The following SERPINA1 variants were observed in gnomAD, a reference collection of about 807,000 sequenced individuals.
SERPINA1 encodes serpin family A member 1.
In SERPINA1, 21 loss-of-function variants were observed where a neutral mutation model predicts 25.4. The ratio of observed to expected loss-of-function variants is 0.83; its 90% confidence interval spans 0.59 to 1.19. The LOEUF is 1.19. Among genes scored for constraint, SERPINA1 ranks in the 50% most tolerant of loss-of-function variants. SERPINA1 has a pLI of 0.00. For synonymous variants in SERPINA1, 218 were observed against 211.1 expected (o/e 1.03, Z -0.29); for missense variants, 546 against 509.0 (o/e 1.07, Z -0.70).
chr14:94,383,050 C>A lies in SERPINA1; in HGVS notation c.188G>T (p.Arg63Leu), dbSNP rs764726147. The change falls in exon 2 of 5, where the codon CGC becomes CTC. Residue 63 changes from arginine to leucine, a missense_variant. Transcript: ENST00000393087. ...GCTGTTGGACTGGTGTGCCAGCTGG[C>A]GGTATAGGCTGAAGGCGAACTCAGC... ...NLAEFAFSLY[R>L]QLAHQSNSTN... The A allele has an allele frequency of 6.2e-7, 1 of 1,613,234 alleles. No homozygotes were observed. The highest frequency in any genetic ancestry group is 1.6e-4 in the Middle Eastern group (1 of 6,062).
chr14:94,378,996 C>T (rs1896627779), intron 4 of SERPINA1: 1 of 540,020 alleles, frequency 1.9e-6, no homozygotes, highest in Non-Finnish European at 3.3e-6. Context: ...AGTGCCCAGA[C>T]CCCAAGATAA....
intron 4 of SERPINA1, chr14:94,379,257 A>AAAGTGCCAGCTGCCGC (rs2139670776): frequency 1.4e-6 from 1 of 695,682 alleles, no homozygotes; most frequent in South Asian, 1.8e-5. Flanking sequence ...GGAGGCCCCG[A>AAAGTGCCAGCTGCCGC]AAGTGCCAGC....
rs990415545 is a variant in SERPINA1, at chr14:94,381,122, A to G, written c.666T>C (p.Phe222=). 5 of 1,612,704 alleles carry G rather than the reference A, an allele frequency of 3.1e-6. No individual in the cohort carries two copies. Among genetic ancestry groups the G allele is most frequent in the Middle Eastern group, 1.7e-4 (1 of 6,014 alleles). The part of the protein sequence containing the change: ...IFFKGKWERP[F]EVKDTEEEDF... The stretch of plus-strand genomic sequence containing the variant: ...CCTCTTCCTCGGTGTCCTTGACTTC[A>G]AAGGGTCTCTCCCATTTGCCTGGAG... The change falls in exon 3 of 5, where the codon TTT becomes TTC. Residue 222 remains phenylalanine (F), a synonymous_variant. Coordinates refer to ENST00000393087, the MANE Select transcript of SERPINA1 (RefSeq NM_000295.5).
Position 94,378,251 on chromosome 14 carries a change from A to G in SERPINA1, c.*198T>C, listed in dbSNP as rs947441671. 1.6e-6 allele frequency: 1 copy of G among 613,658 alleles called. No individual in the cohort carries two copies. The highest frequency in any genetic ancestry group is 2.7e-5 in the East Asian group (1 of 36,418). 38.0% of individuals were successfully genotyped at this position (613,658 alleles called of 1,614,324 possible). A position where few individuals can be genotyped will look rare whatever the true frequency, so the allele number is the denominator to read the frequency against. ...ATGTGCCTACCCAGCCAGATGCTCC[A>G]TGAACACAGTTCAGGGGGCCCGAAG... On this transcript the variant is annotated 3_prime_UTR_variant, in exon 5 of 5. Coordinates refer to ENST00000393087, the MANE Select transcript of SERPINA1 (RefSeq NM_000295.5).
In SERPINA1 at chr14:94,378,133, C is replaced by A. The variant is rs1243164; in HGVS notation, c.*316G>T. On this transcript the variant is annotated 3_prime_UTR_variant, in exon 5 of 5. Coordinates refer to ENST00000393087, the MANE Select transcript of SERPINA1 (RefSeq NM_000295.5). ...CCCTGTGATTCCTTCTTGGGGACTCCAAGACAGGACAAGGAAGACTGGAGC... is the reference window on the plus strand; with the variant it reads ...CCCTGTGATTCCTTCTTGGGGACTCAAAGACAGGACAAGGAAGACTGGAGC... 0.24 allele frequency: 97,333 copies of A among 405,016 alleles called. 15,806 individuals are homozygous for A. The highest frequency in any genetic ancestry group is 0.56 in the African/African-American group (28,009 of 49,768). 25.1% of individuals were successfully genotyped at this position (405,016 alleles called of 1,614,324 possible).
At chr14:94,381,740 G>C (rs1896935016) in intron 2 of SERPINA1, among the ~76,000 whole-genome samples, 2 of 152,214 alleles carry the variant, frequency 1.3e-5, no homozygotes, top group African/African-American at 4.8e-5. Flanking sequence ...GGAGGAGACT[G>C]GGGCTGGAGA....
chr14:94,378,136 G>T lies in SERPINA1; in HGVS notation c.*313C>A. On this transcript the variant is annotated 3_prime_UTR_variant, in exon 5 of 5. Coordinates refer to ENST00000393087, the MANE Select transcript of SERPINA1 (RefSeq NM_000295.5). ...TGTGATTCCTTCTTGGGGACTCCAA[G>T]ACAGGACAAGGAAGACTGGAGCCCT... 2.4e-6 allele frequency: 1 copy of T among 423,966 alleles called. No homozygotes were observed. 26.3% of individuals were successfully genotyped at this position (423,966 alleles called of 1,614,324 possible). A position where few individuals can be genotyped will look rare whatever the true frequency, so the allele number is the denominator to read the frequency against.
chr14:94,382,930 C>A lies in SERPINA1; in HGVS notation c.308G>T (p.Gly103Val). Reference protein sequence around the residue: ...KADTHDEILEGLNFNLTEIPE... With the variant: ...KADTHDEILEVLNFNLTEIPE... ...AATCTCCGTGAGGTTGAAATTCAGGCCCTCCAGGATTTCATCGTGAGTGTC... is the reference window on the plus strand; with the variant it reads ...AATCTCCGTGAGGTTGAAATTCAGGACCTCCAGGATTTCATCGTGAGTGTC... Residue 103 changes from glycine to valine, a missense_variant, in exon 2 of 5, where the codon GGC (glycine) becomes GTC (valine). Gly to Val is a moderately radical substitution (Grantham distance 109, BLOSUM62 -3). Coordinates refer to ENST00000393087, the MANE Select transcript of SERPINA1 (RefSeq NM_000295.5). The A allele has an allele frequency of 6.2e-7, 1 of 1,611,668 alleles. No individual in the cohort carries two copies. The highest frequency in any genetic ancestry group is 8.5e-7 in the Non-Finnish European group (1 of 1,178,130).
chr14:94,380,223 G>A (rs1187634127), intron 3 of SERPINA1, among the ~76,000 whole-genome samples: 2 of 151,676 alleles, frequency 1.3e-5, no homozygotes, highest in East Asian at 3.9e-4. Context: ...GACACCTTTT[G>A]TATTTTCATC....
At chr14:94,386,658 A>T (rs1897308867) in intron 1 of SERPINA1, among the ~76,000 whole-genome samples, 2 of 152,046 alleles carry the variant, frequency 1.3e-5, no homozygotes, top group Non-Finnish European at 1.5e-5. Context: ...TGCCCGAGAG[A>T]TGGTAGATTT....
At chr14:94,383,410 C>T (rs183459498) in intron 1 of SERPINA1, 169 bp from the exon 2 acceptor site, 21 of 674,714 alleles carry the variant, frequency 3.1e-5, no homozygotes, top group African/African-American at 1.8e-4. Flanking sequence ...GCAAAATGTA[C>T]GTAGTGCTTA....
intron 1 of SERPINA1, among the ~76,000 whole-genome samples, chr14:94,386,353 C>T (rs900592498): frequency 6.6e-5 from 10 of 152,136 alleles, no homozygotes; most frequent in Admixed American, 3.9e-4. Context: ...CCATTTCTAC[C>T]CGGGAGCATA....
Position 94,378,296 on chromosome 14 carries a change from C to T in SERPINA1, c.*153G>A. ...CCGAAGACAGCACTGTTACCTGGAG[C>T]CCACATACAGCCTCAGCAGGCAAAG... On this transcript the variant is annotated 3_prime_UTR_variant, in exon 5 of 5. Transcript: ENST00000393087. The T allele has an allele frequency of 1.5e-6, 1 of 688,938 alleles. No homozygotes were observed. 42.7% of individuals were successfully genotyped at this position (688,938 alleles called of 1,614,324 possible). A position where few individuals can be genotyped will look rare whatever the true frequency, so the allele number is the denominator to read the frequency against.
intron 1 of SERPINA1, among the ~76,000 whole-genome samples, chr14:94,386,411 C>T (rs1031615939): frequency 1.2e-4 from 19 of 152,164 alleles, no homozygotes; most frequent in African/African-American, 3.1e-4. Context: ...AAGAGAATCT[C>T]GCCTATGGTC....
chr14:94,388,825 C>T (rs557789873), upstream of SERPINA1: 4 of 152,456 alleles, frequency 2.6e-5, no homozygotes, highest in East Asian at 7.7e-4. Flanking sequence ...GTACCTGGCT[C>T]AGAAACCACA....
In SERPINA1 at chr14:94,377,449, T is replaced by G. The variant is rs1194438063; in HGVS notation, c.*1000A>C. On this transcript the variant is annotated 3_prime_UTR_variant, in exon 5 of 5. Transcript: ENST00000393087. ...AGGGACAGCAACAGGCACAAAGAAG[T>G]CAGGCTGCATGTGGCCCCAGTCGGG... 1 of 152,222 alleles carries G rather than the reference T, an allele frequency of 6.6e-6. No homozygotes were observed. The highest frequency in any genetic ancestry group is 2.4e-5 in the African/African-American group (1 of 41,390). The allele number at this position is 152,222 out of a possible 1,614,324, so 9.4% of individuals were successfully genotyped here.
chr14:94,379,044 C>T (rs1365251357), intron 4 of SERPINA1: 2 of 533,826 alleles, frequency 3.7e-6, no homozygotes, highest in Non-Finnish European at 6.7e-6. Context: ...TCATTGGTCG[C>T]CTTTAGTTTT....
At chr14:94,384,993 A>G (rs2753934) in intron 1 of SERPINA1, among the ~76,000 whole-genome samples, 129,569 of 152,280 alleles carry the variant, frequency 0.85, 55,421 homozygotes, top group African/African-American at 0.94. Flanking sequence ...TGTTAGAACT[A>G]AAGACGGTGC....
At chr14:94,384,311 A>G (rs778367870) in intron 1 of SERPINA1, among the ~76,000 whole-genome samples, 14 of 152,214 alleles carry the variant, frequency 9.2e-5, no homozygotes, top group Non-Finnish European at 1.8e-4. Context: ...ATTTAGTGAA[A>G]TAAGTCTCAA....
Sources: allele counts gnomAD v4.1 joint callset (sites outside exome capture counted in the v4.1 genomes callset), GRCh38; gene constraint gnomAD v4.1.1; transcripts MANE v1.5; gene names NCBI Gene and HGNC (gene_info 2026-07-23, HGNC 2026-07-21).